APBA2: variants seen among roughly 807,000 people sequenced by gnomAD.
The protein encoded by APBA2 is amyloid-beta A4 precursor protein-binding family A member 2.
In APBA2, 30 loss-of-function variants were observed where a neutral mutation model predicts 75.0. The ratio of observed to expected loss-of-function variants is 0.40; its 90% confidence interval spans 0.30 to 0.54. The LOEUF is 0.54. Among genes scored for constraint, APBA2 ranks in the 20% least tolerant of loss-of-function variants. APBA2 has a pLI of 0.49. For missense variants in APBA2, 801 were observed against 1,016.1 expected, an observed-to-expected ratio of 0.79 and a Z score of 2.88; for synonymous variants, 444 against 409.6, an observed-to-expected ratio of 1.08 and a Z score of -1.01.
At chr15:29,017,427 A>ATC (rs1345395109) in intron 3 of APBA2, among the ~76,000 whole-genome samples, 1 of 110,832 alleles carries the variant, frequency 9.0e-6, no homozygotes, top group African/African-American at 3.8e-5. Context: ...TTGAGATGGA[A>ATC]TCTCTCTCTG....
rs781427932 is a variant in APBA2 at position 28,991,353 on chromosome 15, G to A, written c.-94-4400G>A. ...GCTGTGGGGACACCGCCATCTCACT[G>A]CATCCCTCTTGCTCTTGCGGCAGCT... is the stretch of plus-strand genomic sequence containing the variant. On this transcript the variant is annotated intron_variant, in intron 2 of 14. Transcript: ENST00000683413. This position sits in a 1 kb window ranked among gnomAD's most constrained non-coding sequence, Gnocchi z 4.7. 3.9e-5 allele frequency among the ~76,000 whole-genome samples: 6 copies of A among 152,236 alleles called. No individual in the cohort carries two copies. The highest frequency in any genetic ancestry group is 7.2e-5 in the African/African-American group (3 of 41,462).
chr15:29,105,658 T>G (rs756212192), intron 11 of APBA2, 100 bp downstream of exon 11: 33 of 1,333,384 alleles, frequency 2.5e-5, no homozygotes, highest in Non-Finnish European at 3.5e-5. Context: ...CGCACACCCT[T>G]GCCTTCCTAT....
In APBA2 at chr15:29,106,643, G is replaced by A. The variant is rs757921952; in HGVS notation, c.1741G>A (p.Val581Met). 6 of 1,613,060 alleles carry A rather than the reference G, an allele frequency of 3.7e-6. No homozygotes were observed. Among genetic ancestry groups the A allele is most frequent in the Non-Finnish European group, 5.1e-6 (6 of 1,179,958 alleles). The part of the protein sequence containing the change: ...LEKHKGEILG[V>M]VVVESGWGSI... Reference sequence around the variant, plus strand: ...GAAGCACAAGGGCGAGATCCTGGGCGTGGTGGTGGTGGAGTCGGGCTGGGG... The same window carrying A: ...GAAGCACAAGGGCGAGATCCTGGGCATGGTGGTGGTGGAGTCGGGCTGGGG... Residue 581 changes from valine to methionine, a missense_variant, in exon 12 of 15, where the codon GTG becomes ATG. Physicochemically the swap from Val to Met is conservative, Grantham distance 21. This residue lies in a region of APBA2 where 367 missense variants were observed against 544.5 expected (regional missense o/e 0.67). Transcript: ENST00000683413.
chr15:29,047,638 G>T (rs1317798634), intron 3 of APBA2, among the ~76,000 whole-genome samples: 1 of 152,176 alleles, frequency 6.6e-6, no homozygotes, highest in Non-Finnish European at 1.5e-5. Flanking sequence ...AATAAGTCAA[G>T]GGTGCCTGTT....
At chr15:28,931,005 G>A (rs781726559) in intron 2 of APBA2, among the ~76,000 whole-genome samples, 5 of 152,194 alleles carry the variant, frequency 3.3e-5, no homozygotes, top group Non-Finnish European at 5.9e-5. Flanking sequence ...GGAAACTCGG[G>A]TGCCGCGTCC....
intron 2 of APBA2, among the ~76,000 whole-genome samples, chr15:28,951,670 C>T (rs926775525): frequency 3.9e-5 from 6 of 152,034 alleles, no homozygotes; most frequent in South Asian, 2.1e-4. Flanking sequence ...CTGCAACCTC[C>T]GCCTCCCAAA....
At chr15:28,961,881 A>C (rs940284858) in intron 2 of APBA2, among the ~76,000 whole-genome samples, 1 of 152,196 alleles carries the variant, frequency 6.6e-6, no homozygotes, top group Non-Finnish European at 1.5e-5. Context: ...CTCTAATTCT[A>C]TCATTTTCTT....
In APBA2 at chr15:29,000,823, TGGCCCCTA is replaced by T. The variant is rs974393786; in HGVS notation, c.-41+5019_-41+5026del. 3.9e-5 allele frequency among the ~76,000 whole-genome samples: 6 copies of T among 152,126 alleles called. No homozygotes were observed. In the East Asian group the frequency reaches 7.7e-4, roughly 20 times the overall value. ...TTGACCAGGCTGGTCTTGAACTCCT[TGGCCCCTA>T]GAATGCTAGGATTACAAGTGTAAGC... On this transcript the variant is annotated intron_variant, in intron 3 of 14. Transcript: ENST00000683413.
rs936614009 is a variant in APBA2 at position 29,055,331 on chromosome 15, C to G, written c.951+496C>G. Among the ~76,000 whole-genome samples the G allele has an allele frequency of 5.7e-4, 87 of 152,256 alleles. 1 individual carries two copies. The highest frequency in any genetic ancestry group is 2.5e-3 in the Admixed American group (38 of 15,306). On this transcript the variant is annotated intron_variant, in intron 4 of 14. Coordinates refer to ENST00000683413, the MANE Select transcript of APBA2 (RefSeq NM_001353788.2). ...CACAATGGACGGGTCTCTGAAAGCC[C>G]GGGGGCCTTGGCCTGATGGGCAATC...
chr15:28,949,900 G>A (rs1312890534), intron 2 of APBA2, among the ~76,000 whole-genome samples: 2 of 152,226 alleles, frequency 1.3e-5, no homozygotes, highest in Non-Finnish European at 2.9e-5. Context: ...ATCACACGGT[G>A]CATTTGGCAT....
chr15:28,886,900 G>A (rs975408210), intron 1 of APBA2, among the ~76,000 whole-genome samples: 6 of 152,248 alleles, frequency 3.9e-5, no homozygotes, highest in African/African-American at 1.4e-4. Flanking sequence ...GGCAGGCACT[G>A]CCTGGCAAGG....
rs35524060 is a variant in APBA2 at position 29,065,004 on chromosome 15, AGTGTGT to A, written c.952-9899_952-9894del. On this transcript the variant is annotated intron_variant, in intron 4 of 14. Coordinates refer to ENST00000683413, the MANE Select transcript of APBA2 (RefSeq NM_001353788.2). ...GGTGCCAGCAAGCCGAGGTGCTCAT[AGTGTGT>A]GTGTGTGTGTGTGTGTGCACGCACG... Among the ~76,000 whole-genome samples, 4 of 148,734 alleles carry A rather than the reference AGTGTGT, an allele frequency of 2.7e-5. No homozygotes were observed. The South Asian group carries it at 6.4e-4, about 24-fold the overall frequency.
chr15:28,915,225 C>CCCCATATATACCACACACCA, intron 1 of APBA2, among the ~76,000 whole-genome samples: 5 of 19,008 alleles, frequency 2.6e-4, no homozygotes, highest in African/African-American at 9.6e-4. Flanking sequence ...ACACCACATA[C>CCCCATATATACCACACACCA]CACACATACC....
At chr15:29,051,627 G>T (rs971915380) in intron 3 of APBA2, among the ~76,000 whole-genome samples, 1 of 152,124 alleles carries the variant, frequency 6.6e-6, no homozygotes, top group African/African-American at 2.4e-5. Flanking sequence ...TATTCATACT[G>T]CTGTAACCGT....
intron 3 of APBA2, among the ~76,000 whole-genome samples, chr15:29,041,342 G>A (rs1343968695): frequency 6.6e-6 from 1 of 151,968 alleles, no homozygotes; most frequent in Non-Finnish European, 1.5e-5. Context: ...ATTTTGCTGA[G>A]CCTGGTGGCA....
intron 2 of APBA2, among the ~76,000 whole-genome samples, chr15:28,924,648 G>A (rs1298058665): frequency 6.6e-6 from 1 of 152,222 alleles, no homozygotes; most frequent in Non-Finnish European, 1.5e-5. Flanking sequence ...CACCACATTT[G>A]TTTGTGCCTT....
At chr15:28,985,688 G>A (rs771358752) in intron 2 of APBA2, among the ~76,000 whole-genome samples, 13 of 152,224 alleles carry the variant, frequency 8.5e-5, no homozygotes, top group East Asian at 3.9e-4. Flanking sequence ...GTTCCACAGC[G>A]GATCTTCGAG....
At chr15:28,927,927 T>G (rs2034360345) in intron 2 of APBA2, among the ~76,000 whole-genome samples, 1 of 151,234 alleles carries the variant, frequency 6.6e-6, no homozygotes, top group South Asian at 2.1e-4. Flanking sequence ...GCGGATCACC[T>G]GAGGTCGGGT....
At chr15:29,030,323 G>A (rs58180202) in intron 3 of APBA2, among the ~76,000 whole-genome samples, 15,505 of 151,936 alleles carry the variant, frequency 0.1, 1,695 homozygotes, top group African/African-American at 0.27. Context: ...TTAGCCGGGC[G>A]TGATGGCGGG....
Sources: allele counts gnomAD v4.1 joint callset (sites outside exome capture counted in the v4.1 genomes callset), GRCh38; gene constraint gnomAD v4.1.1; regional missense constraint gnomAD v4.1.1; non-coding constraint Gnocchi (gnomAD v3.1); transcripts MANE v1.5; gene names NCBI Gene and HGNC (gene_info 2026-07-23, HGNC 2026-07-21).